The following ERBB4 variants were observed in gnomAD, a reference collection of about 807,000 sequenced individuals.
ERBB4 encodes receptor tyrosine-protein kinase erbB-4.
A neutral mutation model predicts 158.0 loss-of-function variants in ERBB4; 42 were observed. That is an observed-to-expected ratio of 0.27 (90% CI 0.21 to 0.34). The LOEUF is 0.34. ERBB4 is among the 10% of genes least tolerant of loss of function. The probability of loss-of-function intolerance (pLI) is 1.00; values close to 1 mark genes in which losing one functional copy is unlikely to be tolerated. For missense variants in ERBB4, 1,333 were observed against 1,624.1 expected (o/e 0.82, Z 3.08); for synonymous variants, 583 against 558.7 (o/e 1.04, Z -0.61).
intron 20 of ERBB4, among the ~76,000 whole-genome samples, chr2:211,486,914 T>C (rs1294869674): frequency 6.6e-6 from 1 of 152,148 alleles, no homozygotes; most frequent in African/African-American, 2.4e-5. Context: ...CAGAGTGTCT[T>C]TGTATAGAAT....
At chr2:212,193,497 G>T (rs1004792071) in intron 1 of ERBB4, among the ~76,000 whole-genome samples, 5 of 152,010 alleles carry the variant, frequency 3.3e-5, no homozygotes, top group Admixed American at 3.3e-4. Context: ...GATCTTGTGG[G>T]AGAAATACTA....
intron 1 of ERBB4, among the ~76,000 whole-genome samples, chr2:212,414,004 C>T (rs2091578885): frequency 6.6e-6 from 1 of 152,070 alleles, no homozygotes; most frequent in Admixed American, 6.6e-5. Flanking sequence ...TACAACTTTC[C>T]AGAGTTATTG....
intron 2 of ERBB4, among the ~76,000 whole-genome samples, chr2:212,020,631 TA>T (rs1171827278): frequency 1.3e-5 from 2 of 152,138 alleles, no homozygotes; most frequent in African/African-American, 2.4e-5. Flanking sequence ...TTAAGGTTTT[TA>T]GAGTTTTTAT....
intron 2 of ERBB4, among the ~76,000 whole-genome samples, chr2:211,953,705 A>G (rs1468921533): frequency 1.3e-5 from 2 of 152,064 alleles, no homozygotes; most frequent in Non-Finnish European, 1.5e-5. Flanking sequence ...AGTAGTAAAT[A>G]CAATCGGATA....
chr2:212,341,418 A>C (rs1211427717), intron 1 of ERBB4, among the ~76,000 whole-genome samples: 1 of 151,984 alleles, frequency 6.6e-6, no homozygotes, highest in East Asian at 1.9e-4. Context: ...AGTGTTGTTC[A>C]AATTCTGAAC....
intron 12 of ERBB4, among the ~76,000 whole-genome samples, chr2:211,683,046 G>A (rs979383638): frequency 5.3e-5 from 8 of 150,950 alleles, no homozygotes; most frequent in African/African-American, 1.9e-4. Flanking sequence ...TGGCTTATGA[G>A]CTCTACAACT....
chr2:211,459,833 C>G (rs1048064141), intron 20 of ERBB4, among the ~76,000 whole-genome samples: 8 of 151,980 alleles, frequency 5.3e-5, no homozygotes, highest in African/African-American at 1.9e-4. Flanking sequence ...TAGTTTATCT[C>G]GTTGTTTATA....
intron 3 of ERBB4, among the ~76,000 whole-genome samples, chr2:211,879,456 T>C (rs1182041958): frequency 6.6e-6 from 1 of 152,234 alleles, no homozygotes; most frequent in African/African-American, 2.4e-5. Context: ...AAATATATCC[T>C]ATGTCTTCAT....
At chr2:211,904,138 G>A (rs1268394442) in intron 3 of ERBB4, among the ~76,000 whole-genome samples, 2 of 152,064 alleles carry the variant, frequency 1.3e-5, no homozygotes, top group South Asian at 2.1e-4. Flanking sequence ...CTAATAGTGG[G>A]TTTTAGCTGG....
intron 20 of ERBB4, among the ~76,000 whole-genome samples, chr2:211,505,637 A>C (rs750451034): frequency 3.3e-5 from 5 of 152,164 alleles, no homozygotes; most frequent in Non-Finnish European, 7.3e-5. Context: ...TTAACAAAGA[A>C]TGTAAACAGC....
intron 7 of ERBB4, among the ~76,000 whole-genome samples, chr2:211,718,403 T>G (rs866300710): frequency 1.3e-5 from 2 of 152,324 alleles, no homozygotes; most frequent in South Asian, 2.1e-4. Flanking sequence ...GATTTCAGAA[T>G]TTTTTGGATT....
At chr2:212,162,276 G>A (rs566493380) in intron 1 of ERBB4, among the ~76,000 whole-genome samples, 2 of 151,892 alleles carry the variant, frequency 1.3e-5, no homozygotes, top group South Asian at 4.1e-4. Flanking sequence ...CACCAACATA[G>A]ATAAACCTTA....
chr2:211,532,159 G>T lies in ERBB4; in HGVS notation c.2487+29744C>A, dbSNP rs566884066. Among the ~76,000 whole-genome samples the T allele has an allele frequency of 4.3e-3, 651 of 151,344 alleles. 4 individuals are homozygous for T. The highest frequency in any genetic ancestry group is 0.015 in the African/African-American group (618 of 41,416). ...GAGTCTGGGAAGGGTTGTGGGGGGG[G>T]AAAGTAGGTATGGTCAATGGGTACA... On this transcript the variant is annotated intron_variant, in intron 20 of 27. Transcript: ENST00000342788.
chr2:212,047,004 G>A (rs895530114), intron 2 of ERBB4, among the ~76,000 whole-genome samples: 1 of 152,056 alleles, frequency 6.6e-6, no homozygotes, highest in African/African-American at 2.4e-5. Context: ...AGAGCTGAGT[G>A]CAAAAATAAT....
chr2:212,210,770 G>A (rs562607758), intron 1 of ERBB4, among the ~76,000 whole-genome samples: 6 of 151,864 alleles, frequency 4.0e-5, no homozygotes, highest in East Asian at 1.9e-4. Context: ...TTTCTCTTCT[G>A]TTTATTCTGG....
At chr2:212,000,641 T>C (rs1490988660) in intron 2 of ERBB4, among the ~76,000 whole-genome samples, 1 of 151,714 alleles carries the variant, frequency 6.6e-6, no homozygotes, top group Non-Finnish European at 1.5e-5. Context: ...CGTGAAAAAT[T>C]CTCCTATAGC....
chr2:211,573,218 T>C (rs559018295), intron 19 of ERBB4, among the ~76,000 whole-genome samples: 9 of 152,126 alleles, frequency 5.9e-5, no homozygotes, highest in Admixed American at 1.3e-4. Context: ...CCAAGGAACA[T>C]CTGTAGCCAC....
intron 17 of ERBB4, among the ~76,000 whole-genome samples, chr2:211,629,674 G>A (rs2070023966): frequency 6.6e-6 from 1 of 152,166 alleles, no homozygotes; most frequent in East Asian, 1.9e-4. Context: ...AACCCAAACA[G>A]CATGGTACTG....
At position 212,028,776 on chromosome 2, in the gene ERBB4, C is replaced by A. The variant is rs116439974; in HGVS notation, c.235-81160G>T. Among the ~76,000 whole-genome samples the A allele has an allele frequency of 9.3e-4, 142 of 152,220 alleles. 1 individual carries two copies. Among genetic ancestry groups the A allele is most frequent in the African/African-American group, 3.3e-3 (136 of 41,538 alleles). ...TTTTCTTCTTTTACAGTGGTGCTCA[C>A]CCTTGAGAGCATTCATTTTTATATG... On this transcript the variant is annotated intron_variant, in intron 2 of 27. Transcript: ENST00000342788.
Sources: gnomAD v4.1 joint callset for allele counts (sites outside exome capture counted in the v4.1 genomes callset) on GRCh38, gnomAD v4.1.1 for gene constraint, MANE v1.5 for transcripts, NCBI Gene and HGNC (gene_info 2026-07-23, HGNC 2026-07-21) for gene names.